The following ADCY9 variants were observed in gnomAD, a reference collection of about 807,000 sequenced individuals.
ADCY9 encodes adenylate cyclase 9, also known as adenylate cyclase type 9.
In ADCY9, 50 loss-of-function variants were observed where a neutral mutation model predicts 101.5. The observed-to-expected ratio is 0.49, with a 90% CI of 0.39 to 0.62. The LOEUF is 0.62. Among genes scored for constraint, ADCY9 ranks in the 20% least tolerant of loss-of-function variants. The pLI is 0.00. For missense variants in ADCY9, 1,662 were observed against 1,800.4 expected, an observed-to-expected ratio of 0.92 and a Z score of 1.39; for synonymous variants, 905 against 769.3, an observed-to-expected ratio of 1.18 and a Z score of -2.92.
At chr16:4,051,170 G>A (rs151226865) in intron 2 of ADCY9, among the ~76,000 whole-genome samples, 3 of 151,938 alleles carry the variant, frequency 2.0e-5, no homozygotes, top group Non-Finnish European at 4.4e-5. Flanking sequence ...CCATGATCAC[G>A]CCATTGCACT....
chr16:4,075,565 C>T (rs1440935633), intron 2 of ADCY9, among the ~76,000 whole-genome samples: 1 of 152,158 alleles, frequency 6.6e-6, no homozygotes, highest in African/African-American at 2.4e-5. Context: ...GTACCCGGTC[C>T]CATGTGTGCA....
intron 10 of ADCY9, among the ~76,000 whole-genome samples, chr16:3,968,966 C>T (rs1459073667): frequency 6.6e-6 from 1 of 152,170 alleles, no homozygotes; most frequent in African/African-American, 2.4e-5. Flanking sequence ...CTGCTTCAGC[C>T]TTCTGTGTAG....
At chr16:4,022,818 A>G (rs954784440) in intron 2 of ADCY9, among the ~76,000 whole-genome samples, 1 of 152,212 alleles carries the variant, frequency 6.6e-6, no homozygotes, top group African/African-American at 2.4e-5. Flanking sequence ...ATAAATAAAA[A>G]TTAAACGGAG....
exon 6 of ADCY9, chr16:3,953,452 G>A (rs569524471): frequency 3.2e-4 from 49 of 152,026 alleles, no homozygotes; most frequent in African/African-American, 1.0e-3. Context: ...GCTCCTGCAC[G>A]GCAACTCTCT....
intron 2 of ADCY9, among the ~76,000 whole-genome samples, chr16:4,078,456 G>C (rs1347829746): frequency 6.6e-6 from 1 of 151,656 alleles, no homozygotes; most frequent in Non-Finnish European, 1.5e-5. Context: ...CCAGCTACTT[G>C]GGAGGCTGAG....
intron 2 of ADCY9, among the ~76,000 whole-genome samples, chr16:4,032,510 A>C (rs972047908): frequency 8.8e-6 from 1 of 113,884 alleles, no homozygotes; most frequent in African/African-American, 2.8e-5. Context: ...TATATCACAC[A>C]ATTTTTTTTT....
At chr16:4,044,791 G>A (rs574081206) in intron 2 of ADCY9, among the ~76,000 whole-genome samples, 103 of 152,218 alleles carry the variant, frequency 6.8e-4, no homozygotes, top group African/African-American at 2.5e-3. Context: ...CAATTTTTCA[G>A]GACCTAGCTC....
At position 3,966,311 on chromosome 16, in the gene ADCY9, C is replaced by T. The variant is rs757425450; in HGVS notation, c.3526G>A (p.Val1176Ile). Residue 1176 changes from valine to isoleucine, a missense_variant, in exon 11 of 11, where the codon GTC becomes ATC. Val to Ile is a conservative substitution (Grantham distance 29). This residue lies in a region of ADCY9 where 220 missense variants were observed against 312.9 expected (regional missense o/e 0.70). Transcript: ENST00000294016. ...TACAGCAGCTTGGTGGTGCCGATGA[C>T]CCCGGCCGTGAGGGGCCCATGGTTG... is the stretch of plus-strand genomic sequence containing the variant. The part of the protein sequence containing the change: ...GFNHGPLTAG[V>I]IGTTKLLYDI... 6.2e-7 allele frequency: 1 copy of T among 1,614,146 alleles called. No individual in the cohort carries two copies. The highest frequency in any genetic ancestry group is 8.5e-7 in the Non-Finnish European group (1 of 1,180,054).
At chr16:4,051,573 T>C (rs765880142) in intron 2 of ADCY9, among the ~76,000 whole-genome samples, 56 of 150,266 alleles carry the variant, frequency 3.7e-4, no homozygotes, top group Non-Finnish European at 7.2e-4. Flanking sequence ...AAGAATGACA[T>C]GAACACATCA....
Position 4,116,180 on chromosome 16 carries a change from G to C in ADCY9, c.-534C>G. The stretch of plus-strand genomic sequence containing the variant: ...CCGAGTGCGCCGCCGCTCCCGCCGC[G>C]GCCGCAGCTGTCCCGGGACCGAGCG... On this transcript the variant is annotated 5_prime_UTR_variant, in exon 1 of 11. Transcript: ENST00000294016. The C allele has an allele frequency of 6.9e-6, 1 of 145,764 alleles. No homozygotes were observed. The highest frequency in any genetic ancestry group is 1.5e-5 in the Non-Finnish European group (1 of 65,640). The allele number at this position is 145,764 out of a possible 1,614,324, so 9.0% of individuals were successfully genotyped here.
downstream of ADCY9, among the ~76,000 whole-genome samples, chr16:3,960,034 T>A (rs189851268): frequency 1.3e-3 from 189 of 150,828 alleles, 3 homozygotes; most frequent in African/African-American, 4.5e-3. Context: ...TCAAAAAAAA[T>A]AAATAAATAA....
At chr16:4,013,285 C>T (rs922180479) in intron 2 of ADCY9, among the ~76,000 whole-genome samples, 16 of 151,116 alleles carry the variant, frequency 1.1e-4, no homozygotes, top group South Asian at 4.2e-4. Flanking sequence ...CCAGGCGTGG[C>T]GGCACACGCC....
At chr16:3,967,493 C>T (rs1257246371) in intron 10 of ADCY9, among the ~76,000 whole-genome samples, 6 of 151,724 alleles carry the variant, frequency 4.0e-5, no homozygotes, top group Non-Finnish European at 8.8e-5. Context: ...TGGGCTCAAA[C>T]GATCCTCCTG....
At chr16:3,996,517 AG>A (rs2056287991) in intron 3 of ADCY9, among the ~76,000 whole-genome samples, 1 of 152,170 alleles carries the variant, frequency 6.6e-6, no homozygotes, top group South Asian at 2.1e-4. Context: ...GGTGTGGCTA[AG>A]GTGGGGGGCT....
chr16:3,960,322 C>A (rs1476031713), downstream of ADCY9, among the ~76,000 whole-genome samples: 2 of 152,088 alleles, frequency 1.3e-5, no homozygotes, highest in Admixed American at 1.3e-4. Context: ...GAGTTTGAGA[C>A]CAGCCTGGCC....
chr16:4,014,800 G>A (rs909654007), intron 2 of ADCY9, among the ~76,000 whole-genome samples: 13 of 147,338 alleles, frequency 8.8e-5, no homozygotes, highest in African/African-American at 2.5e-4. Flanking sequence ...TCTCCCTCCC[G>A]CTTCCCCACC....
At chr16:4,056,551 G>A (rs1006298728) in intron 2 of ADCY9, among the ~76,000 whole-genome samples, 6 of 152,150 alleles carry the variant, frequency 3.9e-5, no homozygotes, top group African/African-American at 1.4e-4. Context: ...ACCACACCCA[G>A]CCAAAGTAAA....
Position 4,083,266 on chromosome 16 carries a change from T to A in ADCY9, c.1693+30484A>T, listed in dbSNP as rs186738106. Among the ~76,000 whole-genome samples, 56 of 152,364 alleles carry A rather than the reference T, an allele frequency of 3.7e-4. No individual in the cohort carries two copies. In the East Asian group the frequency reaches 9.6e-3, roughly 26 times the overall value. ...TTATCAAAACATAAAGTCTTTTTTT[T>A]AGAAAAATCACCTATACATAAGTTT... is the stretch of plus-strand genomic sequence containing the variant. On this transcript the variant is annotated intron_variant, in intron 2 of 10. Coordinates refer to ENST00000294016, the MANE Select transcript of ADCY9 (RefSeq NM_001116.4).
intron 2 of ADCY9, among the ~76,000 whole-genome samples, chr16:4,097,487 T>TATATATATACATACACACAC (rs76750792): frequency 2.8e-5 from 2 of 72,508 alleles, no homozygotes; most frequent in African/African-American, 1.0e-4. Flanking sequence ...TATATATATA[T>TATATATATACATACACACAC]ACACACACAC....
Sources: gnomAD v4.1 joint callset for allele counts (sites outside exome capture counted in the v4.1 genomes callset) on GRCh38, gnomAD v4.1.1 for gene constraint, gnomAD v4.1.1 regional missense constraint, MANE v1.5 for transcripts, NCBI Gene and HGNC (gene_info 2026-07-23, HGNC 2026-07-21) for gene names.